PCGF6: variants seen among roughly 807,000 people sequenced by gnomAD.
PCGF6 encodes the protein polycomb group ring finger 6, also known as polycomb group RING finger protein 6.
In PCGF6, 24 loss-of-function variants were observed where a neutral mutation model predicts 45.5. The observed-to-expected ratio is 0.53, with a 90% confidence interval of 0.38 to 0.74. The LOEUF is 0.74. PCGF6 is among the 30% of genes least tolerant of loss of function. The pLI is 0.00. For synonymous variants in PCGF6, 152 were observed against 162.1 expected (o/e 0.94, Z 0.47); for missense variants, 356 against 443.2 (o/e 0.80, Z 1.77).
intron 6 of PCGF6, among the ~76,000 whole-genome samples, chr10:103,335,631 G>A (rs191450603): frequency 5.3e-5 from 8 of 151,810 alleles, no homozygotes; most frequent in African/African-American, 2.4e-5. Flanking sequence ...AAAGTGCTAG[G>A]ATTACAGGAG....
intron 1 of PCGF6, 51 bp downstream of exon 1, chr10:103,350,656 C>T (rs1282531538): frequency 2.2e-6 from 3 of 1,394,678 alleles, no homozygotes; most frequent in Non-Finnish European, 1.9e-6. Context: ...GGGCCAGCTA[C>T]GTCCCTGACG....
In PCGF6 at chr10:103,347,312, AAC is replaced by A. The variant is rs1210882600; in HGVS notation, c.614-17_614-16del. The A allele has an allele frequency of 1.9e-6, 3 of 1,598,774 alleles. No individual in the cohort carries two copies. The highest frequency in any genetic ancestry group is 4.5e-5 in the East Asian group (2 of 44,690). ...CTTTTTTTCTCCTAAAAAATGATAA[AAC>A]ACAGACTAAATTACACTTAAAATGT... On this transcript the variant is annotated splice_polypyrimidine_tract_variant and intron_variant, in intron 4 of 9. Transcript: ENST00000369847.
At chr10:103,304,140 CTT>C (rs34732054) in intron 9 of PCGF6, among the ~76,000 whole-genome samples, 179 bp from the exon 10 acceptor site, 14 of 142,704 alleles carry the variant, frequency 9.8e-5, no homozygotes, top group South Asian at 4.4e-4. Context: ...TGTGAATGTG[CTT>C]TTTTTTTTTT....
Position 103,351,079 on chromosome 10 carries a change from C to T in PCGF6, c.-13G>A, listed in dbSNP as rs1216405695. On this transcript the variant is annotated 5_prime_UTR_variant, in exon 1 of 10. Coordinates refer to ENST00000369847, the MANE Select transcript of PCGF6 (RefSeq NM_001011663.2). ...CGACCCCCTCCATGGTCGGGAGAGACACCAGGCGAGGCGAGGCGGCGGGAG... is the reference window on the plus strand; with the variant it reads ...CGACCCCCTCCATGGTCGGGAGAGATACCAGGCGAGGCGAGGCGGCGGGAG... 2.9e-6 allele frequency: 4 copies of T among 1,360,906 alleles called. No individual in the cohort carries two copies. Among genetic ancestry groups the T allele is most frequent in the Non-Finnish European group, 3.8e-6 (4 of 1,056,294 alleles). The allele number at this position is 1,360,906 out of a possible 1,614,324, so 84.3% of individuals were successfully genotyped here.
At chr10:103,342,238 T>TC (rs2093283563) in intron 6 of PCGF6, among the ~76,000 whole-genome samples, 1 of 150,596 alleles carries the variant, frequency 6.6e-6, no homozygotes, top group Non-Finnish European at 1.5e-5. Flanking sequence ...CCGGACTTTT[T>TC]TTTTTTTTCC....
intron 8 of PCGF6, among the ~76,000 whole-genome samples, chr10:103,320,741 A>G (rs1289003817): frequency 6.6e-6 from 1 of 151,522 alleles, no homozygotes; most frequent in Non-Finnish European, 1.5e-5. Flanking sequence ...TCTTGTTTTT[A>G]AAATTTGATC....
At chr10:103,336,617 G>C (rs959719351) in intron 6 of PCGF6, among the ~76,000 whole-genome samples, 14 of 152,204 alleles carry the variant, frequency 9.2e-5, no homozygotes, top group African/African-American at 3.4e-4. Flanking sequence ...GGTCACACCT[G>C]TAATTTCAGC....
chr10:103,331,832 G>A (rs1029408092), intron 7 of PCGF6, among the ~76,000 whole-genome samples: 4 of 151,948 alleles, frequency 2.6e-5, no homozygotes, highest in Non-Finnish European at 4.4e-5. Flanking sequence ...TCGCTGTGTC[G>A]CCCAGGCTGG....
chr10:103,307,905 A>C, intron 9 of PCGF6, among the ~76,000 whole-genome samples: 1 of 152,192 alleles, frequency 6.6e-6, no homozygotes, highest in South Asian at 2.1e-4. Context: ...TTATTGTGGA[A>C]ATCTTTATTG....
At chr10:103,335,386 C>G (rs1167376839) in intron 6 of PCGF6, among the ~76,000 whole-genome samples, 1 of 145,868 alleles carries the variant, frequency 6.9e-6, no homozygotes, top group Non-Finnish European at 1.5e-5. Flanking sequence ...TTTTTTGAGA[C>G]AGAGTCTCAC....
intron 8 of PCGF6, among the ~76,000 whole-genome samples, chr10:103,325,921 G>A (rs559243175): frequency 6.6e-6 from 1 of 151,926 alleles, no homozygotes; most frequent in Non-Finnish European, 1.5e-5. Flanking sequence ...TACTCAGGAG[G>A]CTGAGACAGG....
chr10:103,339,808 A>ACACACAC (rs2093272338), intron 6 of PCGF6, among the ~76,000 whole-genome samples: 1 of 78,018 alleles, frequency 1.3e-5, no homozygotes, highest in Non-Finnish European at 2.4e-5. Flanking sequence ...TCTCAAAAAA[A>ACACACAC]AAACACACAC....
intron 9 of PCGF6, among the ~76,000 whole-genome samples, chr10:103,304,342 A>G (rs563494862): frequency 6.6e-6 from 1 of 150,972 alleles, no homozygotes; most frequent in South Asian, 2.1e-4. Flanking sequence ...ATGTATGTAT[A>G]CATTTATTTA....
intron 8 of PCGF6, among the ~76,000 whole-genome samples, chr10:103,324,932 C>T (rs1417675373): frequency 2.0e-5 from 3 of 151,210 alleles, no homozygotes; most frequent in Admixed American, 6.6e-5. Flanking sequence ...GTCAGGAGTT[C>T]GAGACCAGCC....
intron 8 of PCGF6, among the ~76,000 whole-genome samples, chr10:103,321,749 G>A (rs2093198438): frequency 6.6e-6 from 1 of 151,940 alleles, no homozygotes; most frequent in Non-Finnish European, 1.5e-5. Context: ...ATAATATATT[G>A]TAATTGCTGA....
At chr10:103,350,597 C>G in intron 1 of PCGF6, 110 bp downstream of exon 1, 1 of 1,159,212 alleles carries the variant, frequency 8.6e-7, no homozygotes, top group Non-Finnish European at 1.1e-6. Context: ...CGCTCCAGTG[C>G]TCCGCGCGGC....
At chr10:103,347,016 T>C (rs1007947830) in intron 5 of PCGF6, among the ~76,000 whole-genome samples, 18 of 152,314 alleles carry the variant, frequency 1.2e-4, no homozygotes, top group African/African-American at 4.3e-4. Context: ...GCTTAAGTTA[T>C]ACACCTCATA....
intron 6 of PCGF6, among the ~76,000 whole-genome samples, chr10:103,335,232 T>A (rs1010386974): frequency 4.6e-5 from 7 of 150,750 alleles, no homozygotes; most frequent in South Asian, 2.1e-4. Context: ...AAAAAAAAAA[T>A]TTTAAGAGAT....
chr10:103,336,629 C>G (rs1042977037), intron 6 of PCGF6, among the ~76,000 whole-genome samples: 13 of 152,140 alleles, frequency 8.5e-5, no homozygotes, highest in Admixed American at 8.5e-4. Flanking sequence ...AATTTCAGCA[C>G]TCTGGGAGGC....
Sources: gnomAD v4.1 joint callset for allele counts (sites outside exome capture counted in the v4.1 genomes callset) on GRCh38, gnomAD v4.1.1 for gene constraint, MANE v1.5 for transcripts, NCBI Gene and HGNC (gene_info 2026-07-23, HGNC 2026-07-21) for gene names.